The following MLIP variants were observed in gnomAD, a reference collection of about 807,000 sequenced individuals.
MLIP encodes muscular LMNA interacting protein, also known as muscular LMNA-interacting protein.
A neutral mutation model predicts 84.8 loss-of-function variants in MLIP; 79 were observed. That is an observed-to-expected ratio of 0.93 (90% confidence interval 0.78 to 1.12). The LOEUF is 1.12. Ranked by LOEUF, MLIP falls within the 50% of genes most tolerant of loss-of-function variation. The pLI is 0.00. For missense variants in MLIP, 1,257 were observed against 1,160.6 expected (o/e 1.08, Z -1.21); for synonymous variants, 504 against 463.0 (o/e 1.09, Z -1.14).
At chr6:54,040,851 G>T (rs1001614199) in intron 1 of MLIP, among the ~76,000 whole-genome samples, 1 of 152,030 alleles carries the variant, frequency 6.6e-6, no homozygotes, top group Non-Finnish European at 1.5e-5. Flanking sequence ...ACTCATAAGT[G>T]GGAAATAAAG....
chr6:54,118,532 T>G (rs1380712268), intron 1 of MLIP, among the ~76,000 whole-genome samples: 4 of 152,148 alleles, frequency 2.6e-5, no homozygotes, highest in Non-Finnish European at 5.9e-5. Context: ...TTTTAAACAC[T>G]TAAATGTAAG....
At chr6:54,108,594 A>G (rs1254992787), upstream of MLIP, among the ~76,000 whole-genome samples, 1 of 152,252 alleles carries the variant, frequency 6.6e-6, no homozygotes, top group Non-Finnish European at 1.5e-5. Flanking sequence ...ATTATAAGAA[A>G]TAGTCTATAA....
intron 1 of MLIP, among the ~76,000 whole-genome samples, chr6:54,068,093 CT>C (rs1301649105): frequency 2.7e-4 from 7 of 26,308 alleles, no homozygotes; most frequent in African/African-American, 5.5e-4. Context: ...CCTTCTTTTT[CT>C]CTCTCCCTCC....
chr6:54,202,640 C>A (rs1466648575), intron 11 of MLIP, among the ~76,000 whole-genome samples: 1 of 151,916 alleles, frequency 6.6e-6, no homozygotes, highest in East Asian at 1.9e-4. Flanking sequence ...TGTCTATAAT[C>A]CCAGCACTTT....
Position 54,137,297 on chromosome 6 carries a change from G to T in MLIP, c.1228G>T (p.Val410Leu), listed in dbSNP as rs1402688522. The T allele has an allele frequency of 2.0e-6, 3 of 1,535,906 alleles. No individual in the cohort carries two copies. In the South Asian group the frequency reaches 3.6e-5, roughly 18 times the overall value. The change falls in exon 4 of 14, where the codon GTG becomes TTG. Residue 410 changes from valine to leucine, a missense_variant. Val to Leu is a conservative substitution (Grantham distance 32). Transcript: ENST00000502396. ...NLSKSGVKSP[V>L]PSRLALLTAI... ...TTCAAAGTCAGGGGTAAAATCCCCG[G>T]TGCCTTCCCGGCTTGCCCTTCTCAC...
At chr6:54,224,793 C>A (rs930608761) in intron 11 of MLIP, among the ~76,000 whole-genome samples, 1 of 151,978 alleles carries the variant, frequency 6.6e-6, no homozygotes, top group African/African-American at 2.4e-5. Flanking sequence ...GCCTTTGCAT[C>A]CTCATAGCTT....
chr6:54,049,759 G>C (rs745343731), intron 1 of MLIP, among the ~76,000 whole-genome samples: 8 of 151,990 alleles, frequency 5.3e-5, no homozygotes, highest in Non-Finnish European at 7.4e-5. Context: ...TTTACATCTT[G>C]CATATAATTA....
At chr6:54,056,865 A>C (rs2150325339) in intron 1 of MLIP, among the ~76,000 whole-genome samples, 1 of 152,318 alleles carries the variant, frequency 6.6e-6, no homozygotes, top group East Asian at 1.9e-4. Context: ...TTTGCATAGA[A>C]GTTAAAATAT....
At chr6:54,254,742 C>CCCTCCCTTCCTTCCTT (rs1554195171) in intron 12 of MLIP, among the ~76,000 whole-genome samples, 1,691 of 124,988 alleles carry the variant, frequency 0.014, 16 homozygotes, top group Non-Finnish European at 0.017. Flanking sequence ...TTTTCTCCCT[C>CCCTCCCTTCCTTCCTT]CCTTCCTTCC....
intron 11 of MLIP, chr6:54,217,348 C>A: frequency 2.0e-6 from 2 of 985,292 alleles, no homozygotes; most frequent in Non-Finnish European, 2.4e-6. Flanking sequence ...CCGTAAAATG[C>A]CCTTTGATGT....
chr6:54,097,006 C>CGAA (rs1189281925), intron 1 of MLIP, among the ~76,000 whole-genome samples: 1 of 152,004 alleles, frequency 6.6e-6, no homozygotes, highest in East Asian at 1.9e-4. Flanking sequence ...GCAACTGAGC[C>CGAA]GAAGCAAGTA....
Position 54,121,525 on chromosome 6 carries a change from C to T in MLIP, c.175C>T (p.Gln59Ter). 4 of 1,613,952 alleles carry T rather than the reference C, an allele frequency of 2.5e-6. No homozygotes were observed. Among genetic ancestry groups the T allele is most frequent in the Non-Finnish European group, 3.4e-6 (4 of 1,179,834 alleles). ...PTVRRLPTHT[Q>*]LADTSKFLVK... ...TGTCAGAAGACTACCAACCCATACT[C>T]AGTTGGCTGACACCTCTAAATTCCT... Residue 59 changes from glutamine to a stop codon, truncating the protein, a stop_gained, in exon 2 of 14, where the codon CAG becomes TAG. Coordinates refer to ENST00000502396, the MANE Select transcript of MLIP (RefSeq NM_001281747.2). LOFTEE classifies it high-confidence loss of function.
chr6:54,170,283 T>C (rs1775641317), intron 9 of MLIP, among the ~76,000 whole-genome samples: 1 of 151,774 alleles, frequency 6.6e-6, no homozygotes. Flanking sequence ...ACTATTCCAT[T>C]TAAGTTACAC....
chr6:54,123,990 G>C (rs1770689147), intron 2 of MLIP, among the ~76,000 whole-genome samples: 1 of 152,136 alleles, frequency 6.6e-6, no homozygotes, highest in Non-Finnish European at 1.5e-5. Context: ...TGTTTTGTCT[G>C]ACTATGCATT....
intron 11 of MLIP, among the ~76,000 whole-genome samples, chr6:54,220,924 C>T (rs925840160): frequency 1.0e-4 from 15 of 150,204 alleles, no homozygotes; most frequent in East Asian, 3.9e-4. Context: ...AGGAGATATA[C>T]ACACACACAC....
At chr6:54,175,259 A>G (rs1017983768) in intron 9 of MLIP, among the ~76,000 whole-genome samples, 1 of 151,584 alleles carries the variant, frequency 6.6e-6, no homozygotes, top group Non-Finnish European at 1.5e-5. Context: ...AAATTTTAGG[A>G]TTGTTTATTC....
chr6:54,170,573 G>A (rs1471929448), intron 9 of MLIP, among the ~76,000 whole-genome samples: 1 of 151,562 alleles, frequency 6.6e-6, no homozygotes, highest in East Asian at 1.9e-4. Context: ...GAAGGCATTA[G>A]TAGACTAGAC....
intron 11 of MLIP, among the ~76,000 whole-genome samples, chr6:54,205,905 G>A (rs1322093152): frequency 6.6e-6 from 1 of 152,054 alleles, no homozygotes; most frequent in African/African-American, 2.4e-5. Context: ...GTGCTTTTCA[G>A]TTATTACAAA....
chr6:54,086,898 T>C (rs1405848777), intron 1 of MLIP, among the ~76,000 whole-genome samples: 1 of 152,228 alleles, frequency 6.6e-6, no homozygotes, highest in East Asian at 1.9e-4. Context: ...TCTATTGTGC[T>C]CTCACCTCCA....
Sources: gnomAD v4.1 joint callset for allele counts (sites outside exome capture counted in the v4.1 genomes callset) on GRCh38, gnomAD v4.1.1 for gene constraint, MANE v1.5 for transcripts, NCBI Gene and HGNC (gene_info 2026-07-23, HGNC 2026-07-21) for gene names.